Variants in SLC16A10 observed in about 807,000 individuals in gnomAD.
SLC16A10 encodes solute carrier family 16 member 10, also known as monocarboxylate transporter 10.
A neutral mutation model predicts 40.0 loss-of-function variants in SLC16A10; 27 were observed. The ratio of observed to expected loss-of-function variants is 0.67; its 90% CI spans 0.50 to 0.93. SLC16A10 has a LOEUF of 0.93. SLC16A10 is among the 40% of genes least tolerant of loss of function. The probability of loss-of-function intolerance (pLI) is 0.00; values close to 1 mark genes in which losing one functional copy is unlikely to be tolerated. For missense variants in SLC16A10, 529 were observed against 658.2 expected, an observed-to-expected ratio of 0.80 and a Z score of 2.15; for synonymous variants, 213 against 249.8, an observed-to-expected ratio of 0.85 and a Z score of 1.39.
Position 111,228,843 on chromosome 6 carries a change from A to T in SLC16A10, c.*6608A>T, listed in dbSNP as rs1001340184. On this transcript the variant is annotated 3_prime_UTR_variant, in exon 6 of 6. Transcript: ENST00000368851. Reference sequence around the variant, plus strand: ...TCAGATGTTGGAGACCAGCCTGACCAACATGGAGAAACCCCATCTCTACCA... The same window carrying T: ...TCAGATGTTGGAGACCAGCCTGACCTACATGGAGAAACCCCATCTCTACCA... The T allele has an allele frequency of 6.6e-6, 1 of 151,992 alleles. No homozygotes were observed. The highest frequency in any genetic ancestry group is 1.5e-5 in the Non-Finnish European group (1 of 68,032). The allele number at this position is 151,992 out of a possible 1,614,324, so 9.4% of individuals were successfully genotyped here. A position where few individuals can be genotyped will look rare whatever the true frequency, so the allele number is the denominator to read the frequency against.
At position 111,177,234 on chromosome 6, in the gene SLC16A10, A is replaced by G. The variant is rs754223965; in HGVS notation, c.511A>G (p.Thr171Ala). 2 of 1,559,572 alleles carry G rather than the reference A, an allele frequency of 1.3e-6. No individual in the cohort carries two copies. The highest frequency in any genetic ancestry group is 1.2e-5 in the South Asian group (1 of 81,762). ...CAGTTCCATCGAGCCTCTGTACCTT[A>G]CCTATGGAATCATATTTGCCTGCGG... ...FVSSIEPLYLTYGIIFACGCS... is the reference protein window; with the variant it reads ...FVSSIEPLYLAYGIIFACGCS... Residue 171 changes from threonine (T) to alanine (A), a missense_variant, in exon 3 of 6, where the codon ACC becomes GCC. Physicochemically the swap from Thr to Ala is moderately conservative, Grantham distance 58. Coordinates refer to ENST00000368851, the MANE Select transcript of SLC16A10 (RefSeq NM_018593.5).
intron 1 of SLC16A10, among the ~76,000 whole-genome samples, chr6:111,115,285 A>G (rs964422557): frequency 5.9e-5 from 9 of 152,216 alleles, no homozygotes; most frequent in Non-Finnish European, 8.8e-5. Flanking sequence ...GTCTTGGCTC[A>G]CTGCAACCTC....
intron 3 of SLC16A10, among the ~76,000 whole-genome samples, chr6:111,190,070 T>A (rs895265084): frequency 6.6e-6 from 1 of 152,172 alleles, no homozygotes; most frequent in African/African-American, 2.4e-5. Flanking sequence ...CGAAAGCAAG[T>A]TAGTTACTTC....
chr6:111,115,659 C>T (rs1771472468), intron 1 of SLC16A10, among the ~76,000 whole-genome samples: 1 of 152,166 alleles, frequency 6.6e-6, no homozygotes, highest in African/African-American at 2.4e-5. Context: ...CTTTCTCAGG[C>T]ATGTGGTATC....
At chr6:111,171,796 G>T (rs1349060897) in intron 1 of SLC16A10, among the ~76,000 whole-genome samples, 2 of 146,364 alleles carry the variant, frequency 1.4e-5, no homozygotes, top group Non-Finnish European at 3.0e-5. Context: ...AGCCTGGGCA[G>T]CGGAGTGAGA....
intron 1 of SLC16A10, among the ~76,000 whole-genome samples, chr6:111,090,457 G>A (rs1409493066): frequency 2.0e-5 from 3 of 152,206 alleles, no homozygotes; most frequent in Non-Finnish European, 4.4e-5. Flanking sequence ...TTGAACAATG[G>A]CCATTACTTG....
At chr6:111,183,275 A>C (rs1485673379) in intron 3 of SLC16A10, among the ~76,000 whole-genome samples, 1 of 152,174 alleles carries the variant, frequency 6.6e-6, no homozygotes, top group Admixed American at 6.5e-5. Context: ...AGTATTCACA[A>C]ACCGCTCCTA....
At chr6:111,117,872 G>C (rs1771516773) in intron 1 of SLC16A10, among the ~76,000 whole-genome samples, 2 of 152,222 alleles carry the variant, frequency 1.3e-5, no homozygotes, top group Admixed American at 6.5e-5. Flanking sequence ...CAGTGAACCT[G>C]TGTCTTAGGA....
intron 1 of SLC16A10, among the ~76,000 whole-genome samples, chr6:111,156,142 C>T (rs577494851): frequency 2.1e-4 from 32 of 152,160 alleles, no homozygotes; most frequent in African/African-American, 7.0e-4. Flanking sequence ...TAAATATCTA[C>T]GAGTCCATAA....
chr6:111,100,955 TCTCC>T (rs60780571), intron 1 of SLC16A10, among the ~76,000 whole-genome samples: 7,103 of 74,644 alleles, frequency 0.095, 262 homozygotes, highest in Admixed American at 0.13. Context: ...TCGCTCTTTC[TCTCC>T]CTCTCTCTCT....
chr6:111,108,379 T>C (rs1181786541), intron 1 of SLC16A10, among the ~76,000 whole-genome samples: 1 of 152,146 alleles, frequency 6.6e-6, no homozygotes, highest in Non-Finnish European at 1.5e-5. Context: ...TCTTAAAAAA[T>C]ATTTAAAGGG....
chr6:111,125,041 G>C (rs1165437582), intron 1 of SLC16A10, among the ~76,000 whole-genome samples: 1 of 151,956 alleles, frequency 6.6e-6, no homozygotes, highest in Non-Finnish European at 1.5e-5. Flanking sequence ...ATAATGGGAC[G>C]GTGAAATACA....
At chr6:111,161,034 C>T (rs767093917) in intron 1 of SLC16A10, among the ~76,000 whole-genome samples, 8 of 151,658 alleles carry the variant, frequency 5.3e-5, no homozygotes, top group Non-Finnish European at 7.4e-5. Flanking sequence ...ACAAGCCTGA[C>T]CAACATGGTG....
chr6:111,155,086 A>G (rs908601815), intron 1 of SLC16A10, among the ~76,000 whole-genome samples: 2 of 150,722 alleles, frequency 1.3e-5, no homozygotes, highest in South Asian at 4.2e-4. Flanking sequence ...AGGGGCCAGG[A>G]TGATCTCATC....
intron 1 of SLC16A10, among the ~76,000 whole-genome samples, chr6:111,133,629 A>G (rs892600217): frequency 1.3e-5 from 2 of 152,202 alleles, no homozygotes; most frequent in Non-Finnish European, 2.9e-5. Flanking sequence ...CTTTCTTTTC[A>G]TTAAGAGACA....
chr6:111,164,316 C>A (rs548210950), intron 1 of SLC16A10, among the ~76,000 whole-genome samples: 5 of 152,102 alleles, frequency 3.3e-5, no homozygotes, highest in Admixed American at 1.3e-4. Context: ...TAATGGTAAA[C>A]CTTAGCAATT....
rs115674232 is a variant in SLC16A10 at position 111,222,056 on chromosome 6, G to A, written c.1369G>A (p.Val457Ile). ...TGATGTGGCATTCTACCTCGCTGGA[G>A]TCCCTCCCCTTATTGGAGGTGCTGT... Reference protein sequence around the residue: ...SYDVAFYLAGVPPLIGGAVLC... With the variant: ...SYDVAFYLAGIPPLIGGAVLC... Residue 457 changes from valine to isoleucine, a missense_variant, in exon 6 of 6, where the codon GTC becomes ATC. Transcript: ENST00000368851. 1.7e-5 allele frequency: 27 copies of A among 1,610,766 alleles called. No individual in the cohort carries two copies. In the East Asian group the frequency reaches 5.1e-4, roughly 31 times the overall value.
At chr6:111,115,670 T>C (rs1771472782) in intron 1 of SLC16A10, among the ~76,000 whole-genome samples, 1 of 152,232 alleles carries the variant, frequency 6.6e-6, no homozygotes, top group African/African-American at 2.4e-5. Flanking sequence ...ATGTGGTATC[T>C]AGAAAGGGTC....
chr6:111,163,637 A>G (rs1772417063), intron 1 of SLC16A10, among the ~76,000 whole-genome samples: 1 of 152,212 alleles, frequency 6.6e-6, no homozygotes, highest in Non-Finnish European at 1.5e-5. Context: ...TCTCTTTTGG[A>G]TGCTCCAGGA....
Sources: gnomAD v4.1 joint callset for allele counts (sites outside exome capture counted in the v4.1 genomes callset) on GRCh38, gnomAD v4.1.1 for gene constraint, MANE v1.5 for transcripts, NCBI Gene and HGNC (gene_info 2026-07-23, HGNC 2026-07-21) for gene names.